The following VNN1 variants were observed in gnomAD, a reference collection of about 807,000 sequenced individuals.
VNN1 encodes pantetheinase.
A neutral mutation model predicts 41.9 loss-of-function variants in VNN1; 29 were observed. The observed-to-expected ratio is 0.69, with a 90% CI of 0.52 to 0.94. The LOEUF (loss-of-function observed/expected upper bound fraction) is 0.94. Ranked by LOEUF, VNN1 falls within the 40% of genes least tolerant of loss-of-function variation. The pLI, the probability that VNN1 is intolerant of heterozygous loss-of-function variation, is 0.00. For synonymous variants in VNN1, 233 were observed against 224.4 expected (o/e 1.04, Z -0.34); for missense variants, 637 against 621.1 (o/e 1.03, Z -0.27).
At chr6:132,685,491 C>G (rs2114331894) in intron 5 of VNN1, among the ~76,000 whole-genome samples, 1 of 152,276 alleles carries the variant, frequency 6.6e-6, no homozygotes, top group South Asian at 2.1e-4. Flanking sequence ...TTCCTACAAT[C>G]CTTCAAAAGA....
intron 2 of VNN1, among the ~76,000 whole-genome samples, chr6:132,700,538 T>C (rs950645484): frequency 2.0e-5 from 3 of 152,044 alleles, no homozygotes; most frequent in Admixed American, 6.5e-5. Context: ...AACCCTGTTC[T>C]AGTCTGGGGC....
intron 2 of VNN1, among the ~76,000 whole-genome samples, chr6:132,706,143 A>G (rs1215886295): frequency 6.6e-6 from 1 of 152,188 alleles, no homozygotes; most frequent in Non-Finnish European, 1.5e-5. Flanking sequence ...GTCATTCTTC[A>G]CAGACATAGA....
intron 2 of VNN1, among the ~76,000 whole-genome samples, chr6:132,700,425 C>T (rs1582774892): frequency 6.6e-6 from 1 of 152,192 alleles, no homozygotes. Context: ...AGCAGGCTGG[C>T]CACATGCACA....
At chr6:132,695,576 C>G (rs995286930) in intron 2 of VNN1, among the ~76,000 whole-genome samples, 2 of 152,174 alleles carry the variant, frequency 1.3e-5, no homozygotes, top group Non-Finnish European at 2.9e-5. Flanking sequence ...GTTGTGTATA[C>G]ATACAGACAC....
intron 5 of VNN1, among the ~76,000 whole-genome samples, chr6:132,688,601 T>C (rs958433460): frequency 2.0e-5 from 3 of 152,196 alleles, no homozygotes; most frequent in African/African-American, 7.2e-5. Context: ...ATTACTCTCT[T>C]GTTTTGTGAC....
intron 2 of VNN1, among the ~76,000 whole-genome samples, chr6:132,706,388 A>T (rs1165973864): frequency 6.6e-6 from 1 of 152,244 alleles, no homozygotes; most frequent in Admixed American, 6.5e-5. Flanking sequence ...CAAAGATGCC[A>T]AGAGCATATA....
chr6:132,690,938 AACCCC>A (rs1231369932), intron 5 of VNN1, among the ~76,000 whole-genome samples: 2 of 152,194 alleles, frequency 1.3e-5, no homozygotes, highest in Admixed American at 6.5e-5. Flanking sequence ...AATATCCAGG[AACCCC>A]TCTTGGTGAC....
intron 2 of VNN1, among the ~76,000 whole-genome samples, chr6:132,707,678 C>A (rs1778538886): frequency 6.6e-6 from 1 of 152,164 alleles, no homozygotes; most frequent in South Asian, 2.1e-4. Flanking sequence ...AGGCAAACAT[C>A]ACATGTTCTC....
At chr6:132,708,209 G>A (rs1405939864) in intron 2 of VNN1, among the ~76,000 whole-genome samples, 1 of 152,178 alleles carries the variant, frequency 6.6e-6, no homozygotes, top group African/African-American at 2.4e-5. Context: ...CAAAGTGTCT[G>A]AACAAAATTG....
chr6:132,712,969 T>C (rs1265787170), intron 1 of VNN1, among the ~76,000 whole-genome samples: 1 of 152,106 alleles, frequency 6.6e-6, no homozygotes, highest in Non-Finnish European at 1.5e-5. Flanking sequence ...ATCCCATCTC[T>C]ACAAAAAATA....
At chr6:132,684,301 A>G (rs776951193) in intron 6 of VNN1, 34 bp downstream of exon 6, 1 of 1,590,624 alleles carries the variant, frequency 6.3e-7, no homozygotes, top group Non-Finnish European at 8.6e-7. Context: ...TTCCTCTTAC[A>G]TGAAACTAAT....
Position 132,705,518 on chromosome 6 carries a change from A to G in VNN1, c.341+6191T>C, listed in dbSNP as rs530632656. On this transcript the variant is annotated intron_variant, in intron 2 of 6. Coordinates refer to ENST00000367928, the MANE Select transcript of VNN1 (RefSeq NM_004666.3). ...CAATGACTGGATATAGAAGGAACAT[A>G]CCTCAACACAATAATAGCCATTTAT... Among the ~76,000 whole-genome samples, 6 of 152,274 alleles carry G rather than the reference A, an allele frequency of 3.9e-5. 1 individual carries two copies. The East Asian group carries it at 1.2e-3, about 29-fold the overall frequency.
chr6:132,696,318 G>T (rs1778370770), intron 2 of VNN1, among the ~76,000 whole-genome samples: 1 of 152,130 alleles, frequency 6.6e-6, no homozygotes, highest in South Asian at 2.1e-4. Flanking sequence ...AAAGAAAATT[G>T]AACAGAGCCT....
chr6:132,692,223 C>T lies in VNN1; in HGVS notation c.1188G>A (p.Gln396=). Residue 396 remains glutamine, a splice_region_variant and synonymous_variant, in exon 5 of 7, where the codon CAG becomes CAA. Transcript: ENST00000367928. The stretch of plus-strand genomic sequence containing the variant: ...AACTCTTCTGACATCAAAATATTAC[C>T]TGTAGATAATAGCGCCCTTCCACAG... The part of the protein sequence containing the change: ...LHTVEGRYYL[Q]ICTLLKCKTT... The T allele has an allele frequency of 6.5e-7, 1 of 1,549,284 alleles. No homozygotes were observed. The highest frequency in any genetic ancestry group is 8.7e-7 in the Non-Finnish European group (1 of 1,149,540).
intron 5 of VNN1, among the ~76,000 whole-genome samples, chr6:132,687,506 C>A (rs1035886375): frequency 6.6e-6 from 1 of 152,136 alleles, no homozygotes; most frequent in Non-Finnish European, 1.5e-5. Flanking sequence ...TGACTCCTAT[C>A]GTATACAAGG....
At chr6:132,713,433 C>T (rs1337276186) in intron 1 of VNN1, among the ~76,000 whole-genome samples, 2 of 152,086 alleles carry the variant, frequency 1.3e-5, no homozygotes, top group Admixed American at 6.5e-5. Flanking sequence ...TAAATTTATT[C>T]GAAAACCTGC....
chr6:132,701,771 C>A (rs1778452019), intron 2 of VNN1, among the ~76,000 whole-genome samples: 1 of 152,210 alleles, frequency 6.6e-6, no homozygotes, highest in African/African-American at 2.4e-5. Flanking sequence ...GAAAGAAAGT[C>A]TTTAATTGCC....
In VNN1 at chr6:132,692,338, T is replaced by A; in HGVS notation, c.1073A>T (p.Gln358Leu). 1 of 1,614,208 alleles carries A rather than the reference T, an allele frequency of 6.2e-7. No individual in the cohort carries two copies. The highest frequency in any genetic ancestry group is 1.1e-5 in the South Asian group (1 of 91,082). ...TGVAGNYTVC[Q>L]KDLCCHLSYK... Reference sequence around the variant, plus strand: ...GCTTAAATGACAGCAGAGATCTTTCTGACAAACTGTATAATTTCCTGCAAC... The same window carrying A: ...GCTTAAATGACAGCAGAGATCTTTCAGACAAACTGTATAATTTCCTGCAAC... The change falls in exon 5 of 7, where the codon CAG (glutamine) becomes CTG (leucine). Residue 358 changes from glutamine (Q) to leucine (L), a missense_variant. Coordinates refer to ENST00000367928, the MANE Select transcript of VNN1 (RefSeq NM_004666.3).
intron 2 of VNN1, among the ~76,000 whole-genome samples, chr6:132,695,336 C>T (rs538102362): frequency 1.3e-5 from 2 of 152,256 alleles, no homozygotes; most frequent in Admixed American, 1.3e-4. Context: ...AGGTAACTTA[C>T]AGTTAATTTC....
Sources: allele counts gnomAD v4.1 joint callset (sites outside exome capture counted in the v4.1 genomes callset), GRCh38; gene constraint gnomAD v4.1.1; transcripts MANE v1.5; gene names NCBI Gene and HGNC (gene_info 2026-07-23, HGNC 2026-07-21).